GRIP1: variants seen among roughly 807,000 people sequenced by gnomAD.
GRIP1 encodes the protein glutamate receptor interacting protein 1.
Under a neutral mutation model 129.9 loss-of-function variants are expected in GRIP1, and 45 were observed. That is an observed-to-expected ratio of 0.35 (90% CI 0.27 to 0.44). GRIP1 has a LOEUF of 0.44. Ranked by LOEUF, GRIP1 falls within the 20% of genes least tolerant of loss-of-function variation. The pLI is 1.00. For synonymous variants in GRIP1, 530 were observed against 520.8 expected (o/e 1.02, Z -0.24); for missense variants, 1,196 against 1,396.8 (o/e 0.86, Z 2.29).
chr12:66,695,046 T>C (rs1432525377), intron 1 of GRIP1, among the ~76,000 whole-genome samples: 2 of 152,222 alleles, frequency 1.3e-5, no homozygotes, highest in Non-Finnish European at 2.9e-5. Flanking sequence ...AAGAAAGCTT[T>C]TTATTCCCAC....
intron 1 of GRIP1, among the ~76,000 whole-genome samples, chr12:66,820,779 T>C (rs1322264170): frequency 1.3e-5 from 2 of 151,628 alleles, no homozygotes; most frequent in Non-Finnish European, 2.9e-5. Context: ...TGATTCTAAC[T>C]GTATGACATT....
chr12:67,045,029 T>C (rs1391158635), intron 1 of GRIP1, among the ~76,000 whole-genome samples: 2 of 152,192 alleles, frequency 1.3e-5, no homozygotes, highest in Admixed American at 6.5e-5. Flanking sequence ...AGCTAATAAA[T>C]GGCAGAGCCA....
chr12:66,462,823 A>AAAAAC, intron 9 of GRIP1, 101 bp downstream of exon 9: 1 of 656,190 alleles, frequency 1.5e-6, no homozygotes, highest in East Asian at 3.2e-5. Context: ...AAAAAAAAAA[A>AAAAAC]GGCAGAATGA....
upstream of GRIP1, among the ~76,000 whole-genome samples, chr12:66,804,448 G>C (rs181696118): frequency 3.0e-3 from 449 of 151,822 alleles, no homozygotes; most frequent in Non-Finnish European, 5.2e-3. Flanking sequence ...AAAAAAAAAA[G>C]AGGAAAAGAG....
At chr12:66,484,968 G>A (rs1383134003) in intron 7 of GRIP1, among the ~76,000 whole-genome samples, 3 of 152,118 alleles carry the variant, frequency 2.0e-5, no homozygotes, top group Non-Finnish European at 2.9e-5. Context: ...ATTATTATCA[G>A]TAAAAAATAT....
intron 1 of GRIP1, among the ~76,000 whole-genome samples, chr12:66,712,291 A>C (rs1188954146): frequency 1.3e-5 from 2 of 151,940 alleles, no homozygotes; most frequent in Non-Finnish European, 2.9e-5. Flanking sequence ...TTATGCATAA[A>C]AACTAATATT....
At chr12:66,458,406 CAG>C (rs2059031796) in intron 9 of GRIP1, among the ~76,000 whole-genome samples, 1 of 152,010 alleles carries the variant, frequency 6.6e-6, no homozygotes, top group Non-Finnish European at 1.5e-5. Flanking sequence ...TCTTTTGAGA[CAG>C]AGTTTCACTC....
At chr12:66,723,300 CTTTCTT>C (rs2036143998) in intron 1 of GRIP1, among the ~76,000 whole-genome samples, 108 of 42,558 alleles carry the variant, frequency 2.5e-3, no homozygotes, top group East Asian at 3.3e-3. Context: ...TTCTTTCTTT[CTTTCTT>C]TTTTTTTTTT....
intron 1 of GRIP1, among the ~76,000 whole-genome samples, chr12:66,881,263 G>C (rs1299585933): frequency 6.6e-6 from 1 of 151,490 alleles, no homozygotes; most frequent in Non-Finnish European, 1.5e-5. Context: ...TTTTCTGGAC[G>C]CTAATACCAG....
intron 2 of GRIP1, among the ~76,000 whole-genome samples, chr12:66,551,742 T>TTTGTTG (rs561356842): frequency 6.6e-6 from 1 of 151,306 alleles, no homozygotes; most frequent in African/African-American, 2.4e-5. Context: ...TTAAAACAAT[T>TTTGTTG]TTGTTGTTGT....
intron 1 of GRIP1, among the ~76,000 whole-genome samples, chr12:66,884,073 A>C (rs1254661038): frequency 6.6e-6 from 1 of 152,262 alleles, no homozygotes; most frequent in Non-Finnish European, 1.5e-5. Flanking sequence ...TTCTGGCAAC[A>C]AATTGATCAG....
chr12:66,392,189 T>C lies in GRIP1; in HGVS notation c.2464+119A>G, dbSNP rs191205811. 46 of 699,536 alleles carry C rather than the reference T, an allele frequency of 6.6e-5. No individual in the cohort carries two copies. The Admixed American group carries it at 9.4e-4, about 14-fold the overall frequency. The allele number at this position is 699,536 out of a possible 1,614,324, so 43.3% of individuals were successfully genotyped here. ...TCAATGTGTTCAATATGATTATGGC[T>C]GCACCAAAGCAGACACAAGTTAAAG... On this transcript the variant is annotated intron_variant, in intron 19 of 24. Coordinates refer to ENST00000359742, the MANE Select transcript of GRIP1 (RefSeq NM_001366722.1).
intron 2 of GRIP1, among the ~76,000 whole-genome samples, chr12:66,542,159 G>T (rs926596198): frequency 7.2e-6 from 1 of 138,952 alleles, no homozygotes; most frequent in Non-Finnish European, 1.5e-5. Flanking sequence ...AATGGGCACT[G>T]GTGGGGTATT....
intron 15 of GRIP1, among the ~76,000 whole-genome samples, chr12:66,412,299 C>T (rs973573039): frequency 1.3e-5 from 2 of 152,242 alleles, no homozygotes; most frequent in South Asian, 2.1e-4. Context: ...AGAAACTCTA[C>T]AAGCCAGAAG....
At chr12:66,714,667 T>A (rs1374072378) in intron 1 of GRIP1, among the ~76,000 whole-genome samples, 1 of 152,056 alleles carries the variant, frequency 6.6e-6, no homozygotes, top group Non-Finnish European at 1.5e-5. Flanking sequence ...TTCTTCAGTA[T>A]GCTACAAGAA....
upstream of GRIP1, chr12:66,804,255 C>T (rs1212911946): frequency 7.7e-6 from 3 of 389,382 alleles, no homozygotes; most frequent in East Asian, 7.3e-5. Context: ...CTCTGCGAGC[C>T]GGTGGAGCAT....
At chr12:66,660,636 A>G (rs1281431250) in intron 1 of GRIP1, among the ~76,000 whole-genome samples, 1 of 152,128 alleles carries the variant, frequency 6.6e-6, no homozygotes, top group Admixed American at 6.5e-5. Flanking sequence ...TTTCTCATAA[A>G]CCAGTTTCAG....
chr12:66,866,728 C>T (rs2040211447), intron 1 of GRIP1, among the ~76,000 whole-genome samples: 1 of 150,640 alleles, frequency 6.6e-6, no homozygotes, highest in African/African-American at 2.4e-5. Context: ...ATGTACCACA[C>T]AAATATATAC....
chr12:66,630,973 T>A (rs2030711321), intron 1 of GRIP1, among the ~76,000 whole-genome samples: 1 of 152,000 alleles, frequency 6.6e-6, no homozygotes, highest in Non-Finnish European at 1.5e-5. Flanking sequence ...TTCACTCTTA[T>A]CCCCCAGGCT....
Sources: allele counts gnomAD v4.1 joint callset (sites outside exome capture counted in the v4.1 genomes callset), GRCh38; gene constraint gnomAD v4.1.1; transcripts MANE v1.5; gene names NCBI Gene and HGNC (gene_info 2026-07-23, HGNC 2026-07-21).